CHD1L: variants seen among roughly 807,000 people sequenced by gnomAD.
CHD1L encodes ATP-dependent chromatin remodeler CHD1L.
CHD1L carries 118 observed loss-of-function variants against 115.9 expected under a neutral mutation model. The observed-to-expected ratio is 1.02, with a 90% CI of 0.88 to 1.19. CHD1L has a LOEUF of 1.19. Among genes scored for constraint, CHD1L ranks in the 50% most tolerant of loss-of-function variants. CHD1L has a pLI of 0.00. For synonymous variants in CHD1L, 411 were observed against 387.1 expected, an observed-to-expected ratio of 1.06 and a Z score of -0.72; for missense variants, 1,179 against 1,065.3, an observed-to-expected ratio of 1.11 and a Z score of -1.49.
At chr1:147,233,845 T>C in the CHD1L span, among the ~76,000 whole-genome samples, 1 of 151,732 alleles carries the variant, frequency 6.6e-6, no homozygotes, top group African/African-American at 2.4e-5. Flanking sequence ...CAGGGTTAAA[T>C]GGGTTAAGGG....
chr1:147,177,444 G>C, the CHD1L span, among the ~76,000 whole-genome samples: 1 of 151,984 alleles, frequency 6.6e-6, no homozygotes, highest in East Asian at 1.9e-4. Flanking sequence ...CTCTACCCTC[G>C]AGAAGATGGA....
chr1:147,221,374 G>T, the CHD1L span, among the ~76,000 whole-genome samples: 1 of 152,116 alleles, frequency 6.6e-6, no homozygotes, highest in African/African-American at 2.4e-5. Flanking sequence ...GAGGTGTACT[G>T]TAATTCTCTG....
At chr1:147,226,404 C>T in the CHD1L span, among the ~76,000 whole-genome samples, 2 of 152,070 alleles carry the variant, frequency 1.3e-5, no homozygotes, top group Non-Finnish European at 2.9e-5. Flanking sequence ...GTGGAGGAGA[C>T]CAAAACATAA....
chr1:147,222,229 G>C, the CHD1L span, among the ~76,000 whole-genome samples: 1 of 152,152 alleles, frequency 6.6e-6, no homozygotes, highest in Non-Finnish European at 1.5e-5. Flanking sequence ...AATTAGCAAG[G>C]CGTAGTAGTG....
At chr1:147,290,540 A>G (rs587673205) in intron 19 of CHD1L, among the ~76,000 whole-genome samples, 3 of 152,354 alleles carry the variant, frequency 2.0e-5, no homozygotes, top group African/African-American at 4.8e-5. Context: ...TAAGCTTGCC[A>G]GGGCCCTTGT....
chr1:147,233,020 C>A, the CHD1L span, among the ~76,000 whole-genome samples: 1 of 152,076 alleles, frequency 6.6e-6, no homozygotes, highest in Non-Finnish European at 1.5e-5. Context: ...TGAGGAGCGC[C>A]TCTTCCCGGC....
chr1:147,249,940 C>A (rs781894902), intron 1 of CHD1L, among the ~76,000 whole-genome samples: 31 of 152,082 alleles, frequency 2.0e-4, no homozygotes, highest in Admixed American at 1.4e-3. Context: ...CTCTCTATAA[C>A]TTCTATTCTG....
intron 8 of CHD1L, 108 bp from the exon 9 acceptor site, chr1:147,267,318 G>A: frequency 1.4e-6 from 1 of 713,882 alleles, no homozygotes. Context: ...TAGGTTCAAA[G>A]GATATAATTG....
chr1:147,181,408 T>C, the CHD1L span, among the ~76,000 whole-genome samples: 1 of 152,300 alleles, frequency 6.6e-6, no homozygotes, highest in South Asian at 2.1e-4. Context: ...TAGCCCCAAC[T>C]AAAAACCTCA....
intron 13 of CHD1L, 115 bp downstream of exon 13, chr1:147,275,583 G>A: frequency 1.3e-6 from 1 of 748,078 alleles, no homozygotes; most frequent in Non-Finnish European, 2.3e-6. Context: ...AGACCACCAG[G>A]TTTTAGCTCA....
the CHD1L span, chr1:147,186,787 G>T: frequency 3.7e-5 from 55 of 1,491,828 alleles, no homozygotes; most frequent in Non-Finnish European, 4.7e-5. Flanking sequence ...TTTCGAAAGA[G>T]ACATTAAAGT....
chr1:147,267,529 G>A lies in CHD1L; in HGVS notation c.988+11G>A. The A allele has an allele frequency of 6.3e-7, 1 of 1,595,644 alleles. No individual in the cohort carries two copies. ...CATATTTGTTTGATGGTGAGACAGT[G>A]CCTTTTCCCCCCACATTATTCTTTG... On this transcript the variant is annotated intron_variant, in intron 9 of 22. Coordinates refer to ENST00000369258, the MANE Select transcript of CHD1L (RefSeq NM_004284.6).
At chr1:147,173,805 G>T in the CHD1L span, among the ~76,000 whole-genome samples, 2 of 152,224 alleles carry the variant, frequency 1.3e-5, no homozygotes, top group Non-Finnish European at 2.9e-5. Flanking sequence ...ACATTAAAGT[G>T]TGTGAGAAGC....
the CHD1L span, among the ~76,000 whole-genome samples, chr1:147,200,161 A>T: frequency 0.06 from 9,078 of 152,170 alleles, 653 homozygotes; most frequent in East Asian, 0.17. Flanking sequence ...GCTGATAGGA[A>T]AAAGGTTTTG....
At chr1:147,287,778 G>A (rs782011233) in intron 19 of CHD1L, 45 bp downstream of exon 19, 1 of 1,510,502 alleles carries the variant, frequency 6.6e-7, no homozygotes, top group Non-Finnish European at 9.2e-7. Context: ...GAATAAGAGA[G>A]AAGAGGACAC....
At chr1:147,191,043 A>C in the CHD1L span, among the ~76,000 whole-genome samples, 3 of 152,108 alleles carry the variant, frequency 2.0e-5, no homozygotes, top group Non-Finnish European at 4.4e-5. Context: ...ATAATATTCC[A>C]TGGTGTATAT....
At chr1:147,224,836 C>G in the CHD1L span, 14 of 1,533,912 alleles carry the variant, frequency 9.1e-6, no homozygotes, top group African/African-American at 1.4e-5. Flanking sequence ...GATAAACTGT[C>G]GTATGCACCT....
rs1380164156 is a variant in CHD1L at position 147,295,656 on chromosome 1, G to A, written c.*147G>A. 3 of 620,386 alleles carry A rather than the reference G, an allele frequency of 4.8e-6. No individual in the cohort carries two copies. The South Asian group carries it at 6.7e-5, about 14-fold the overall frequency. The allele number at this position is 620,386 out of a possible 1,614,324, so 38.4% of individuals were successfully genotyped here. On this transcript the variant is annotated 3_prime_UTR_variant, in exon 23 of 23. Transcript: ENST00000369258. ...GAGTTTCAGTTTGGTTCTCCTGGATGTTTTGCTCTGTTTTGGTACCTGTAA... is the reference window on the plus strand; with the variant it reads ...GAGTTTCAGTTTGGTTCTCCTGGATATTTTGCTCTGTTTTGGTACCTGTAA...
chr1:147,279,927 G>GAC (rs1431500646), intron 14 of CHD1L, 99 bp from the exon 15 acceptor site: 1 of 1,216,198 alleles, frequency 8.2e-7, no homozygotes, highest in East Asian at 2.5e-5. Context: ...ATTAGAGAAG[G>GAC]ACTGTGCCTG....
Sources: allele counts gnomAD v4.1 joint callset (sites outside exome capture counted in the v4.1 genomes callset), GRCh38; gene constraint gnomAD v4.1.1; transcripts MANE v1.5; gene names NCBI Gene and HGNC (gene_info 2026-07-23, HGNC 2026-07-21).